MYCBP2: variants seen among roughly 807,000 people sequenced by gnomAD.
MYCBP2 encodes the protein E3 ubiquitin-protein ligase MYCBP2.
Under a neutral mutation model 525.3 loss-of-function variants are expected in MYCBP2, and 120 were observed. The observed-to-expected ratio is 0.23, with a 90% CI of 0.20 to 0.27. MYCBP2 has a LOEUF of 0.27. Among genes scored for constraint, MYCBP2 ranks in the 10% least tolerant of loss-of-function variants. The pLI is 1.00. For synonymous variants in MYCBP2, 1,894 were observed against 1,955.8 expected, an observed-to-expected ratio of 0.97 and a Z score of 0.83; for missense variants, 4,149 against 5,657.1, an observed-to-expected ratio of 0.73 and a Z score of 8.55.
At chr13:77,250,274 T>C (rs1485603786) in intron 15 of MYCBP2, among the ~76,000 whole-genome samples, 1 of 151,786 alleles carries the variant, frequency 6.6e-6, no homozygotes, top group Non-Finnish European at 1.5e-5. Flanking sequence ...AGGCCTGTTA[T>C]ATATGACCTA....
chr13:77,118,688 T>C (rs2050191051), intron 55 of MYCBP2, among the ~76,000 whole-genome samples: 1 of 152,066 alleles, frequency 6.6e-6, no homozygotes, highest in Non-Finnish European at 1.5e-5. Context: ...CTTTTTTTTT[T>C]AATGGAAGCG....
At chr13:77,317,861 C>T (rs1451693599) in intron 1 of MYCBP2, among the ~76,000 whole-genome samples, 5 of 151,986 alleles carry the variant, frequency 3.3e-5, no homozygotes, top group Non-Finnish European at 7.4e-5. Flanking sequence ...TGCTTGAACC[C>T]GGGAGGCGGA....
chr13:77,065,655 T>A (rs2040077837), intron 72 of MYCBP2, among the ~76,000 whole-genome samples: 1 of 152,218 alleles, frequency 6.6e-6, no homozygotes, highest in Non-Finnish European at 1.5e-5. Context: ...AATGAGAAAC[T>A]TCCACTTTCG....
intron 21 of MYCBP2, among the ~76,000 whole-genome samples, chr13:77,216,932 A>C (rs969302390): frequency 6.6e-6 from 1 of 152,226 alleles, no homozygotes; most frequent in South Asian, 2.1e-4. Context: ...AAAATATTTT[A>C]TATACATACG....
intron 55 of MYCBP2, among the ~76,000 whole-genome samples, chr13:77,117,651 T>C (rs2050013956): frequency 6.6e-6 from 1 of 152,188 alleles, no homozygotes; most frequent in Non-Finnish European, 1.5e-5. Flanking sequence ...TGTTTATATA[T>C]TGTATAGCCA....
At chr13:77,268,425 A>G (rs1425117816) in intron 7 of MYCBP2, among the ~76,000 whole-genome samples, 1 of 152,208 alleles carries the variant, frequency 6.6e-6, no homozygotes, top group Non-Finnish European at 1.5e-5. Context: ...ATCTGATGAG[A>G]TATTTTAAAC....
chr13:77,286,755 CAAAAAAAAAAAAA>C (rs869038227), intron 3 of MYCBP2, among the ~76,000 whole-genome samples: 13 of 11,334 alleles, frequency 1.1e-3, no homozygotes, highest in East Asian at 3.1e-3. Flanking sequence ...GACTCCGTCT[CAAAAAAAAAAAAA>C]AAAAAAAAAA....
chr13:77,072,261 A>G (rs950086069), intron 68 of MYCBP2, among the ~76,000 whole-genome samples: 1 of 150,170 alleles, frequency 6.7e-6, no homozygotes, highest in African/African-American at 2.5e-5. Flanking sequence ...ACTGCACTCC[A>G]GCCTGGGCGA....
At chr13:77,262,622 A>G (rs981141973) in intron 10 of MYCBP2, among the ~76,000 whole-genome samples, 1 of 151,828 alleles carries the variant, frequency 6.6e-6, no homozygotes, top group Admixed American at 6.6e-5. Context: ...AGTATTTCAG[A>G]TTCTCTGCCT....
chr13:77,055,438 T>C, intron 80 of MYCBP2, 120 bp downstream of exon 80: 1 of 800,274 alleles, frequency 1.2e-6, no homozygotes, highest in Non-Finnish European at 1.9e-6. Flanking sequence ...TGTACCAAGC[T>C]ATCTTATTTT....
Position 77,125,395 on chromosome 13 carries a change from CCTT to C in MYCBP2, c.7955_7957del (p.Glu2652del). The C allele has an allele frequency of 6.2e-7, 1 of 1,614,032 alleles. No individual in the cohort carries two copies. The highest frequency in any genetic ancestry group is 8.5e-7 in the Non-Finnish European group (1 of 1,179,908). On this transcript the variant is annotated inframe_deletion, in exon 54 of 83. Coordinates refer to ENST00000544440, the MANE Select transcript of MYCBP2 (RefSeq NM_015057.5). Reference sequence around the variant, plus strand: ...GTCTCTAGCTAAGGACCATGCCTCTCCTTCATCACTCTCACAGAACTCTACCAT... The same window carrying C: ...GTCTCTAGCTAAGGACCATGCCTCTCCATCACTCTCACAGAACTCTACCAT...
At chr13:77,208,709 A>G (rs1015771342) in intron 23 of MYCBP2, among the ~76,000 whole-genome samples, 2 of 152,190 alleles carry the variant, frequency 1.3e-5, no homozygotes, top group Admixed American at 1.3e-4. Context: ...ATCCACAGAG[A>G]AGGCTAGTGG....
chr13:77,150,376 A>G (rs2056284137), intron 47 of MYCBP2, among the ~76,000 whole-genome samples: 1 of 152,138 alleles, frequency 6.6e-6, no homozygotes, highest in Non-Finnish European at 1.5e-5. Context: ...TCTTGGCCTC[A>G]AGTGATGTTC....
intron 35 of MYCBP2, among the ~76,000 whole-genome samples, chr13:77,177,334 CTTTTTT>C (rs748460042): frequency 8.1e-6 from 1 of 122,898 alleles, no homozygotes; most frequent in Admixed American, 8.2e-5. Flanking sequence ...TCTTTTCTTT[CTTTTTT>C]TTTTTTTTTT....
intron 15 of MYCBP2, among the ~76,000 whole-genome samples, chr13:77,246,855 T>C (rs184691324): frequency 1.1e-3 from 174 of 152,192 alleles, no homozygotes; most frequent in African/African-American, 3.7e-3. Context: ...ATTAACAGAA[T>C]GAAAGAAAAG....
chr13:77,210,588 A>T (rs2063879826), intron 23 of MYCBP2, among the ~76,000 whole-genome samples: 1 of 152,206 alleles, frequency 6.6e-6, no homozygotes, highest in Non-Finnish European at 1.5e-5. Flanking sequence ...CAGAATGCAT[A>T]TAATCCTGTA....
At chr13:77,311,589 T>TA (rs1213781470) in intron 1 of MYCBP2, among the ~76,000 whole-genome samples, 44 of 150,690 alleles carry the variant, frequency 2.9e-4, no homozygotes, top group Admixed American at 1.6e-3. Context: ...GTTTTTTTTT[T>TA]AAAGAACCAA....
At chr13:77,161,799 A>G (rs1165911721) in intron 44 of MYCBP2, 107 bp downstream of exon 44, 4 of 776,050 alleles carry the variant, frequency 5.2e-6, no homozygotes, top group Non-Finnish European at 8.5e-6. Flanking sequence ...AATAAAGTGA[A>G]GTACTTAATG....
At chr13:77,062,794 G>A (rs2154074513) in intron 73 of MYCBP2, 97 bp from the exon 74 acceptor site, 2 of 938,936 alleles carry the variant, frequency 2.1e-6, no homozygotes, top group Admixed American at 2.1e-5. Flanking sequence ...AATGCTGGCT[G>A]ATTTTGAAAA....
Sources: gnomAD v4.1 joint callset for allele counts (sites outside exome capture counted in the v4.1 genomes callset) on GRCh38, gnomAD v4.1.1 for gene constraint, MANE v1.5 for transcripts, NCBI Gene and HGNC (gene_info 2026-07-23, HGNC 2026-07-21) for gene names.